Variants in SCD5 observed in about 807,000 individuals in gnomAD.
SCD5 encodes acyl-CoA-desaturase 4.
SCD5 carries 20 observed loss-of-function variants against 30.4 expected under a neutral mutation model. The observed-to-expected ratio is 0.66, with a 90% CI of 0.46 to 0.96. The LOEUF (loss-of-function observed/expected upper bound fraction) is 0.96. SCD5 is among the 40% of genes least tolerant of loss of function. The pLI is 0.00. For missense variants in SCD5, 381 were observed against 443.3 expected (o/e 0.86, Z 1.26); for synonymous variants, 173 against 176.4 (o/e 0.98, Z 0.16).
intron 1 of SCD5, among the ~76,000 whole-genome samples, chr4:82,766,660 CA>C (rs1721493331): frequency 6.6e-6 from 1 of 152,144 alleles, no homozygotes; most frequent in Non-Finnish European, 1.5e-5. Context: ...GGATATCAGA[CA>C]TTGTGAATTT....
intron 2 of SCD5, among the ~76,000 whole-genome samples, chr4:82,682,432 T>C (rs567390808): frequency 1.3e-5 from 2 of 152,288 alleles, no homozygotes; most frequent in East Asian, 3.9e-4. Flanking sequence ...TTCAAAACTT[T>C]GAGAAGATGA....
At chr4:82,663,221 C>T (rs2148817289) in intron 3 of SCD5, among the ~76,000 whole-genome samples, 1 of 152,310 alleles carries the variant, frequency 6.6e-6, no homozygotes, top group African/African-American at 2.4e-5. Flanking sequence ...TGAATGGCTT[C>T]ACTTTTGTCA....
chr4:82,778,031 G>A (rs1046669071), intron 1 of SCD5, among the ~76,000 whole-genome samples: 10 of 152,022 alleles, frequency 6.6e-5, no homozygotes, highest in Non-Finnish European at 8.8e-5. Context: ...GGAATATTAT[G>A]CAGCCATAAA....
intron 1 of SCD5, among the ~76,000 whole-genome samples, chr4:82,755,096 T>C (rs981317696): frequency 8.2e-6 from 1 of 121,714 alleles, no homozygotes; most frequent in Non-Finnish European, 1.6e-5. Flanking sequence ...CAGACCAAAC[T>C]ATGCAGCTAA....
At chr4:82,654,437 T>C (rs537680359) in intron 3 of SCD5, among the ~76,000 whole-genome samples, 30 of 152,224 alleles carry the variant, frequency 2.0e-4, no homozygotes, top group Non-Finnish European at 3.2e-4. Context: ...GACTAAGAAT[T>C]TGACTCTTAG....
At chr4:82,687,425 A>G (rs1264253883) in intron 2 of SCD5, among the ~76,000 whole-genome samples, 1 of 152,172 alleles carries the variant, frequency 6.6e-6, no homozygotes, top group Non-Finnish European at 1.5e-5. Context: ...TACAGGAGAA[A>G]CAAGTTATTT....
chr4:82,657,849 C>T (rs1041385154), intron 3 of SCD5, among the ~76,000 whole-genome samples: 1 of 152,132 alleles, frequency 6.6e-6, no homozygotes, highest in Non-Finnish European at 1.5e-5. Flanking sequence ...GTATTTCATT[C>T]TCTTTGTAGC....
chr4:82,650,727 C>T (rs999124194), intron 3 of SCD5, among the ~76,000 whole-genome samples: 14 of 151,996 alleles, frequency 9.2e-5, no homozygotes, highest in Non-Finnish European at 1.3e-4. Flanking sequence ...ATGCCAAAGA[C>T]CTTTTGTTCA....
chr4:82,707,830 C>T lies in SCD5; in HGVS notation c.233-2417G>A, dbSNP rs114583681. Among the ~76,000 whole-genome samples, 1,016 of 152,300 alleles carry T rather than the reference C, an allele frequency of 6.7e-3. 8 individuals carry two copies. The highest frequency in any genetic ancestry group is 0.011 in the Non-Finnish European group (750 of 68,036). On this transcript the variant is annotated intron_variant, in intron 1 of 4. Coordinates refer to ENST00000319540, the MANE Select transcript of SCD5 (RefSeq NM_001037582.3). Reference sequence around the variant, plus strand: ...AGCCCTGACCAACACACTGCAGCCCCGTGGGAGATCTTGGGGCAGAGGATC... The same window carrying T: ...AGCCCTGACCAACACACTGCAGCCCTGTGGGAGATCTTGGGGCAGAGGATC...
chr4:82,714,056 A>G (rs760749095), intron 1 of SCD5, among the ~76,000 whole-genome samples: 3 of 152,012 alleles, frequency 2.0e-5, no homozygotes. Flanking sequence ...CACTCATCCT[A>G]CCCATACATT....
chr4:82,770,948 A>T (rs1249930231), intron 1 of SCD5, among the ~76,000 whole-genome samples: 1 of 151,942 alleles, frequency 6.6e-6, no homozygotes, highest in Non-Finnish European at 1.5e-5. Context: ...TAGCTGGTTT[A>T]TTGTTTTTTT....
chr4:82,631,981 C>T (rs890776033), intron 4 of SCD5, among the ~76,000 whole-genome samples: 2 of 151,944 alleles, frequency 1.3e-5, no homozygotes, highest in African/African-American at 4.8e-5. Flanking sequence ...ATTATTCTAC[C>T]CCTTCCAGTG....
chr4:82,706,091 T>A (rs544464360), intron 1 of SCD5, among the ~76,000 whole-genome samples: 1 of 152,140 alleles, frequency 6.6e-6, no homozygotes, highest in Non-Finnish European at 1.5e-5. Context: ...CTGCAGTAAA[T>A]AAAAAGCTCT....
intron 2 of SCD5, among the ~76,000 whole-genome samples, chr4:82,703,889 A>G (rs879858598): frequency 1.3e-5 from 2 of 152,212 alleles, no homozygotes; most frequent in Non-Finnish European, 2.9e-5. Context: ...TGAAAGCACA[A>G]CACTGAAATA....
intron 1 of SCD5, among the ~76,000 whole-genome samples, chr4:82,783,056 C>G (rs1721907855): frequency 6.6e-6 from 1 of 152,236 alleles, no homozygotes; most frequent in Admixed American, 6.5e-5. Context: ...ATTCCTGGGT[C>G]TGGCCCCCAG....
chr4:82,711,037 T>C (rs1054610834), intron 1 of SCD5, among the ~76,000 whole-genome samples: 1 of 152,138 alleles, frequency 6.6e-6, no homozygotes, highest in Non-Finnish European at 1.5e-5. Flanking sequence ...ATGTGTAAAG[T>C]AGGGAAAATA....
intron 1 of SCD5, among the ~76,000 whole-genome samples, chr4:82,736,135 A>G (rs566894212): frequency 8.5e-5 from 13 of 152,128 alleles, no homozygotes; most frequent in African/African-American, 3.1e-4. Flanking sequence ...AAAGTATTAA[A>G]AAATTAGCAG....
rs147424772 is a variant in SCD5 at position 82,795,255 on chromosome 4, A to T, written c.232+3051T>A. ...TCATCTGGTGTGGAGGGTGGCAAGC[A>T]ATGGACAGGCTAAGCCTATTTCCTC... On this transcript the variant is annotated intron_variant, in intron 1 of 4. Coordinates refer to ENST00000319540, the MANE Select transcript of SCD5 (RefSeq NM_001037582.3). Among the ~76,000 whole-genome samples, 811 of 152,292 alleles carry T rather than the reference A, an allele frequency of 5.3e-3. 5 individuals are homozygous for T. The highest frequency in any genetic ancestry group is 0.019 in the African/African-American group (773 of 41,562).
chr4:82,771,917 G>A (rs907870823), intron 1 of SCD5, among the ~76,000 whole-genome samples: 8 of 152,188 alleles, frequency 5.3e-5, no homozygotes, highest in African/African-American at 1.7e-4. Flanking sequence ...CAGTGAGGGA[G>A]CCACACTCAT....
Sources: allele counts gnomAD v4.1 joint callset (sites outside exome capture counted in the v4.1 genomes callset), GRCh38; gene constraint gnomAD v4.1.1; transcripts MANE v1.5; gene names NCBI Gene and HGNC (gene_info 2026-07-23, HGNC 2026-07-21).